The following PSEN1 variants were observed in gnomAD, a reference collection of about 807,000 sequenced individuals.
PSEN1 encodes presenilin 1, also known as presenilin-1.
Under a neutral mutation model 53.5 loss-of-function variants are expected in PSEN1, and 15 were observed. That is an observed-to-expected ratio of 0.28 (90% confidence interval 0.19 to 0.43). The LOEUF is 0.43. PSEN1 is among the 20% of genes least tolerant of loss of function. The pLI, the probability that PSEN1 is intolerant of heterozygous loss-of-function variation, is 1.00. For synonymous variants in PSEN1, 208 were observed against 209.8 expected (o/e 0.99, Z 0.08); for missense variants, 387 against 571.2 (o/e 0.68, Z 3.29).
chr14:73,178,187 TG>T (rs1898100660), intron 5 of PSEN1, among the ~76,000 whole-genome samples: 1 of 151,156 alleles, frequency 6.6e-6, no homozygotes, highest in Non-Finnish European at 1.5e-5. Context: ...CCCAAAGTGC[TG>T]GGTTACAGGT....
At chr14:73,173,132 C>T (rs549320940) in intron 4 of PSEN1, among the ~76,000 whole-genome samples, 57 of 152,236 alleles carry the variant, frequency 3.7e-4, no homozygotes, top group Non-Finnish European at 6.5e-4. Context: ...AAGACAACTC[C>T]AGTTGCAATT....
At chr14:73,181,494 C>T (rs180823246) in intron 5 of PSEN1, among the ~76,000 whole-genome samples, 3 of 152,230 alleles carry the variant, frequency 2.0e-5, no homozygotes, top group Admixed American at 2.0e-4. Flanking sequence ...TGCAGTGGCA[C>T]GGACCTGTAG....
rs1900141707 is a variant in PSEN1 at position 73,222,767 on chromosome 14, G to T, written c.*3478G>T. 2 of 152,102 alleles carry T rather than the reference G, an allele frequency of 1.3e-5. No homozygotes were observed. The highest frequency in any genetic ancestry group is 4.8e-5 in the African/African-American group (2 of 41,416). The allele number at this position is 152,102 out of a possible 1,614,324, so 9.4% of individuals were successfully genotyped here. A position where few individuals can be genotyped will look rare whatever the true frequency, so the allele number is the denominator to read the frequency against. On this transcript the variant is annotated 3_prime_UTR_variant, in exon 12 of 12. Transcript: ENST00000324501. The stretch of plus-strand genomic sequence containing the variant: ...CTTTTAACAGTTACCATTACTGAGG[G>T]CTTATACATTGGTGTTATAAAAGTG...
At chr14:73,178,861 A>T (rs147290166) in intron 5 of PSEN1, among the ~76,000 whole-genome samples, 1 of 152,246 alleles carries the variant, frequency 6.6e-6, no homozygotes, top group African/African-American at 2.4e-5. Context: ...GCCTTGTCAA[A>T]GCCTTTGCAG....
intron 10 of PSEN1, among the ~76,000 whole-genome samples, chr14:73,214,671 A>G (rs1899839442): frequency 6.6e-6 from 1 of 152,234 alleles, no homozygotes; most frequent in Non-Finnish European, 1.5e-5. Flanking sequence ...ATAAATCTTG[A>G]GTACTTTGTG....
At chr14:73,216,758 CAA>C (rs58497887) in intron 10 of PSEN1, among the ~76,000 whole-genome samples, 4 of 130,622 alleles carry the variant, frequency 3.1e-5, no homozygotes, top group Non-Finnish European at 1.7e-5. Flanking sequence ...AACTCCATCT[CAA>C]AAAAAAAAAA....
intron 5 of PSEN1, among the ~76,000 whole-genome samples, chr14:73,178,129 A>G (rs1043114434): frequency 6.6e-5 from 10 of 150,982 alleles, no homozygotes; most frequent in African/African-American, 2.2e-4. Context: ...CACATTGACC[A>G]GGCTGGTCTT....
chr14:73,205,414 G>T (rs1056960641), intron 8 of PSEN1, among the ~76,000 whole-genome samples: 22 of 149,676 alleles, frequency 1.5e-4, no homozygotes, highest in African/African-American at 5.2e-4. Context: ...AGGAGACGGA[G>T]CTTGCAGTGA....
intron 5 of PSEN1, chr14:73,174,172 A>G (rs1897978179): frequency 1.0e-5 from 2 of 191,416 alleles, no homozygotes; most frequent in Non-Finnish European, 2.2e-5. Flanking sequence ...AAACAAAAAA[A>G]GTTGTAACTG....
At chr14:73,195,176 A>C (rs757846618) in intron 7 of PSEN1, among the ~76,000 whole-genome samples, 4 of 151,816 alleles carry the variant, frequency 2.6e-5, no homozygotes, top group Admixed American at 2.6e-4. Flanking sequence ...ATCACTTTTT[A>C]TTTTTATTTT....
chr14:73,139,694 T>G (rs899945301), intron 1 of PSEN1, among the ~76,000 whole-genome samples: 3 of 152,188 alleles, frequency 2.0e-5, no homozygotes, highest in African/African-American at 7.2e-5. Flanking sequence ...GTATAAAAAT[T>G]TACTTGTTTT....
At chr14:73,169,110 T>C (rs971540059) in intron 3 of PSEN1, 10 of 152,240 alleles carry the variant, frequency 6.6e-5, no homozygotes, top group African/African-American at 2.4e-4. Context: ...GTTTTACTTT[T>C]GTAAAACCCT....
intron 11 of PSEN1, among the ~76,000 whole-genome samples, chr14:73,218,133 C>T (rs1355640968): frequency 1.4e-5 from 2 of 144,444 alleles, no homozygotes; most frequent in African/African-American, 5.2e-5. Context: ...GCTCTGTCGC[C>T]CAAACTAGAG....
intron 3 of PSEN1, among the ~76,000 whole-genome samples, chr14:73,157,802 A>G (rs984624450): frequency 2.6e-5 from 4 of 152,094 alleles, no homozygotes; most frequent in African/African-American, 9.7e-5. Context: ...CCACCTGGCC[A>G]ACATGAAACC....
intron 8 of PSEN1, among the ~76,000 whole-genome samples, chr14:73,203,196 G>A (rs998800925): frequency 6.6e-5 from 10 of 151,734 alleles, no homozygotes; most frequent in East Asian, 5.8e-4. Flanking sequence ...CTCCTGCCTC[G>A]GCCTCCTGAG....
In PSEN1 at chr14:73,170,817, G is replaced by A; in HGVS notation, c.108G>A (p.Gln36=). The part of the protein sequence containing the change: ...VRSQNDNRER[Q]EHNDRRSLGH... ...TATAGAATGACAATAGAGAACGGCAGGAGCACAACGACAGACGGAGCCTTG... is the reference window on the plus strand; with the variant it reads ...TATAGAATGACAATAGAGAACGGCAAGAGCACAACGACAGACGGAGCCTTG... Residue 36 remains glutamine (Q), a synonymous_variant, in exon 4 of 12, where the codon CAG becomes CAA. Transcript: ENST00000324501. 6.2e-7 allele frequency: 1 copy of A among 1,614,126 alleles called. No homozygotes were observed. The highest frequency in any genetic ancestry group is 8.5e-7 in the Non-Finnish European group (1 of 1,179,960).
chr14:73,162,447 G>T (rs983703963), intron 3 of PSEN1, among the ~76,000 whole-genome samples: 70 of 146,096 alleles, frequency 4.8e-4, no homozygotes, highest in African/African-American at 1.1e-3. Flanking sequence ...TCGCTCGCGC[G>T]CTCTCTCTCT....
chr14:73,170,708 G>C, intron 3 of PSEN1, 89 bp from the exon 4 acceptor site: 1 of 1,381,776 alleles, frequency 7.2e-7, no homozygotes, highest in Non-Finnish European at 1.0e-6. Context: ...AACTCATAGT[G>C]ACGGGTCTGT....
intron 10 of PSEN1, among the ~76,000 whole-genome samples, chr14:73,213,403 C>G (rs1177429552): frequency 1.3e-5 from 2 of 151,944 alleles, no homozygotes. Context: ...CTCTTCGTCT[C>G]CAACTTTTAA....
Sources: gnomAD v4.1 joint callset for allele counts (sites outside exome capture counted in the v4.1 genomes callset) on GRCh38, gnomAD v4.1.1 for gene constraint, MANE v1.5 for transcripts, NCBI Gene and HGNC (gene_info 2026-07-23, HGNC 2026-07-21) for gene names.